COL22A1: variants seen among roughly 807,000 people sequenced by gnomAD.
The protein encoded by COL22A1 is collagen type XXII alpha 1 chain.
In COL22A1, 221 loss-of-function variants were observed where a neutral mutation model predicts 248.9. That is an observed-to-expected ratio of 0.89 (90% CI 0.80 to 0.99). The LOEUF is 0.99. COL22A1 is among the 50% of genes least tolerant of loss of function. COL22A1 has a pLI of 0.00. For missense variants in COL22A1, 2,240 were observed against 2,179.0 expected (o/e 1.03, Z -0.56); for synonymous variants, 891 against 793.4 (o/e 1.12, Z -2.07).
chr8:138,616,376 C>T (rs545762124), intron 54 of COL22A1, among the ~76,000 whole-genome samples: 1 of 152,358 alleles, frequency 6.6e-6, no homozygotes, highest in East Asian at 1.9e-4. Flanking sequence ...ACCCTCTCTA[C>T]ACCTGTGCTT....
chr8:138,738,265 T>C (rs1187361431), intron 22 of COL22A1, among the ~76,000 whole-genome samples: 1 of 152,168 alleles, frequency 6.6e-6, no homozygotes, highest in Non-Finnish European at 1.5e-5. Flanking sequence ...ACATGTTCAG[T>C]ATCCAGCAGG....
At chr8:138,835,712 C>T (rs913241293) in intron 4 of COL22A1, among the ~76,000 whole-genome samples, 4 of 152,296 alleles carry the variant, frequency 2.6e-5, no homozygotes, top group Middle Eastern at 3.4e-3. Flanking sequence ...ACACCCAGCA[C>T]GTGGACCAGA....
Position 138,616,865 on chromosome 8 carries a change from G to A in COL22A1, c.3870+49C>T, listed in dbSNP as rs150483624. On this transcript the variant is annotated intron_variant, in intron 54 of 64. Coordinates refer to ENST00000303045, the MANE Select transcript of COL22A1 (RefSeq NM_152888.3). Reference sequence around the variant, plus strand: ...TGCAAGTATCTTCTGTCTGGGAAGTGTAAGCTCTGCCCACCTGGGGGGACC... The same window carrying A: ...TGCAAGTATCTTCTGTCTGGGAAGTATAAGCTCTGCCCACCTGGGGGGACC... 1,240 of 1,608,846 alleles carry A rather than the reference G, an allele frequency of 7.7e-4. 13 individuals are homozygous for A. In the African/African-American group the frequency reaches 0.015, roughly 19 times the overall value.
chr8:138,642,225 A>G (rs996265861), intron 47 of COL22A1, among the ~76,000 whole-genome samples: 4 of 152,244 alleles, frequency 2.6e-5, no homozygotes, highest in African/African-American at 9.6e-5. Flanking sequence ...AAGTTGGACT[A>G]CTAGTGGTCA....
intron 3 of COL22A1, among the ~76,000 whole-genome samples, chr8:138,859,008 C>T (rs191556403): frequency 4.5e-4 from 68 of 152,288 alleles, no homozygotes; most frequent in African/African-American, 1.3e-3. Context: ...TCCATGTCTG[C>T]GGATAAACCA....
intron 37 of COL22A1, among the ~76,000 whole-genome samples, chr8:138,688,416 G>A (rs1826538305): frequency 6.6e-6 from 1 of 152,138 alleles, no homozygotes; most frequent in South Asian, 2.1e-4. Flanking sequence ...AGCTACTCAG[G>A]AGGCTGAGAC....
intron 9 of COL22A1, among the ~76,000 whole-genome samples, chr8:138,808,050 A>T (rs896815152): frequency 3.9e-5 from 6 of 152,218 alleles, no homozygotes; most frequent in Non-Finnish European, 8.8e-5. Flanking sequence ...TGGACACAAG[A>T]TAGAAACAAG....
At chr8:138,691,915 T>G (rs1333950071) in intron 35 of COL22A1, among the ~76,000 whole-genome samples, 1 of 144,346 alleles carries the variant, frequency 6.9e-6, no homozygotes, top group African/African-American at 2.6e-5. Context: ...CACGTGCATG[T>G]GTGCATGTTT....
chr8:138,745,553 A>C (rs964691070), intron 22 of COL22A1, among the ~76,000 whole-genome samples: 1 of 152,098 alleles, frequency 6.6e-6, no homozygotes, highest in Non-Finnish European at 1.5e-5. Flanking sequence ...TCTTCTCATT[A>C]CTGTGGTTAT....
intron 23 of COL22A1, among the ~76,000 whole-genome samples, chr8:138,735,452 G>A (rs1414910405): frequency 1.3e-5 from 2 of 152,134 alleles, no homozygotes; most frequent in African/African-American, 4.8e-5. Flanking sequence ...AAGATTCACT[G>A]AATGAAAATG....
At chr8:138,874,716 G>A (rs1261712278) in intron 3 of COL22A1, among the ~76,000 whole-genome samples, 1 of 152,196 alleles carries the variant, frequency 6.6e-6, no homozygotes, top group Non-Finnish European at 1.5e-5. Context: ...GCCAGCCACT[G>A]TGACTGCATC....
intron 22 of COL22A1, among the ~76,000 whole-genome samples, chr8:138,739,161 C>T (rs1024194017): frequency 6.6e-6 from 1 of 152,182 alleles, no homozygotes; most frequent in African/African-American, 2.4e-5. Flanking sequence ...TGCCTCTCAG[C>T]TCACATAGAG....
At chr8:138,604,862 A>C in intron 58 of COL22A1, 93 bp from the exon 59 acceptor site, 1 of 1,077,620 alleles carries the variant, frequency 9.3e-7, no homozygotes, top group Non-Finnish European at 1.4e-6. Context: ...CACTCAAGTC[A>C]TGTTCCAGCA....
chr8:138,856,069 G>A (rs373716799), intron 3 of COL22A1, among the ~76,000 whole-genome samples: 38 of 152,330 alleles, frequency 2.5e-4, no homozygotes, highest in African/African-American at 7.0e-4. Flanking sequence ...AAAAGGGGCC[G>A]TGCCTAGAGC....
intron 30 of COL22A1, among the ~76,000 whole-genome samples, chr8:138,707,106 A>C (rs1387765811): frequency 1.3e-5 from 2 of 152,226 alleles, no homozygotes; most frequent in South Asian, 2.1e-4. Flanking sequence ...GAATCCCTGA[A>C]TAGAACAATA....
chr8:138,825,349 A>G lies in COL22A1; in HGVS notation c.969+1309T>C, dbSNP rs200508074. ...ACTAATTGATCAGGACAGGCTTGGA[A>G]CAGAAGCCAGCTGAGCATATGGTTA... On this transcript the variant is annotated intron_variant, in intron 6 of 64. Transcript: ENST00000303045. Among the ~76,000 whole-genome samples the G allele has an allele frequency of 3.9e-5, 6 of 152,296 alleles. No homozygotes were observed. The East Asian group carries it at 7.7e-4, about 20-fold the overall frequency.
chr8:138,622,309 T>C (rs1819871516), intron 52 of COL22A1, among the ~76,000 whole-genome samples: 1 of 152,198 alleles, frequency 6.6e-6, no homozygotes, highest in South Asian at 2.1e-4. Context: ...TTATTCTCAT[T>C]CTATTTCAAA....
At chr8:138,870,467 T>C (rs904148864) in intron 3 of COL22A1, among the ~76,000 whole-genome samples, 1 of 150,342 alleles carries the variant, frequency 6.7e-6, no homozygotes, top group Admixed American at 6.6e-5. Context: ...TACAGGTGAA[T>C]GGGTGTGTAT....
chr8:138,599,501 A>C (rs1348350367), intron 60 of COL22A1, among the ~76,000 whole-genome samples: 1 of 152,096 alleles, frequency 6.6e-6, no homozygotes, highest in Non-Finnish European at 1.5e-5. Context: ...AAAACAAAAC[A>C]AAACAAAACA....
Sources: gnomAD v4.1 joint callset for allele counts (sites outside exome capture counted in the v4.1 genomes callset) on GRCh38, gnomAD v4.1.1 for gene constraint, MANE v1.5 for transcripts, NCBI Gene and HGNC (gene_info 2026-07-23, HGNC 2026-07-21) for gene names.